The following LHPP variants were observed in gnomAD, a reference collection of about 807,000 sequenced individuals.
The protein encoded by LHPP is hLHPP.
A neutral mutation model predicts 30.3 loss-of-function variants in LHPP; 24 were observed. The observed-to-expected ratio is 0.79, with a 90% CI of 0.57 to 1.11. The LOEUF (loss-of-function observed/expected upper bound fraction) is 1.11. Ranked by LOEUF, LHPP falls within the 50% of genes most tolerant of loss-of-function variation. The pLI, the probability that LHPP is intolerant of heterozygous loss-of-function variation, is 0.00. For missense variants in LHPP, 356 were observed against 367.2 expected (o/e 0.97, Z 0.25); for synonymous variants, 150 against 157.1 (o/e 0.95, Z 0.34).
At chr10:124,608,779 T>C (rs574781817) in intron 6 of LHPP, among the ~76,000 whole-genome samples, 1 of 152,218 alleles carries the variant, frequency 6.6e-6, no homozygotes, top group African/African-American at 2.4e-5. Context: ...GAGAGAAGCC[T>C]GTCATCTGTC....
chr10:124,540,197 T>C (rs1269490181), intron 6 of LHPP, among the ~76,000 whole-genome samples: 1 of 152,088 alleles, frequency 6.6e-6, no homozygotes, highest in Non-Finnish European at 1.5e-5. Flanking sequence ...TGTGGGTGGG[T>C]GGGCAGGTGT....
intron 6 of LHPP, among the ~76,000 whole-genome samples, chr10:124,602,969 C>T (rs1949044169): frequency 6.6e-6 from 1 of 152,220 alleles, no homozygotes; most frequent in Admixed American, 6.5e-5. Flanking sequence ...AGCTCTGAGA[C>T]ACCCTTGTCA....
chr10:124,584,336 C>A (rs1219660285), intron 6 of LHPP, among the ~76,000 whole-genome samples: 1 of 150,070 alleles, frequency 6.7e-6, no homozygotes, highest in Admixed American at 6.6e-5. Context: ...TGCATTCCAG[C>A]CTGGGCAACA....
At chr10:124,594,329 CAAA>C (rs71026102) in intron 6 of LHPP, among the ~76,000 whole-genome samples, 20 of 75,332 alleles carry the variant, frequency 2.7e-4, no homozygotes, top group Non-Finnish European at 3.6e-4. Flanking sequence ...GACTCCATCT[CAAA>C]AAAAAAAAAA....
chr10:124,590,882 A>T lies in LHPP; in HGVS notation c.717-22382A>T, dbSNP rs1319300884. ...TGTGCCCTGTAACTCAAGGGATGGG[A>T]CTGTGTCATTGGTAAACACTGCAAC... is the stretch of plus-strand genomic sequence containing the variant. On this transcript the variant is annotated intron_variant, in intron 6 of 6. Transcript: ENST00000368842. This position sits in a 1 kb window ranked among gnomAD's most constrained non-coding sequence, Gnocchi z 4.3. Among the ~76,000 whole-genome samples, 1 of 152,246 alleles carries T rather than the reference A, an allele frequency of 6.6e-6. No homozygotes were observed. The highest frequency in any genetic ancestry group is 1.5e-5 in the Non-Finnish European group (1 of 68,032).
intron 6 of LHPP, among the ~76,000 whole-genome samples, chr10:124,550,792 G>A (rs1036877101): frequency 9.9e-5 from 15 of 152,208 alleles, no homozygotes; most frequent in Admixed American, 2.0e-4. Flanking sequence ...AGCCAGGAGG[G>A]ACCTAGCAGG....
chr10:124,475,793 G>A (rs1015035281), intron 1 of LHPP, among the ~76,000 whole-genome samples: 1 of 152,094 alleles, frequency 6.6e-6, no homozygotes, highest in African/African-American at 2.4e-5. Flanking sequence ...AGGCTCCTAG[G>A]CTGAGGAGTG....
Position 124,517,155 on chromosome 10 carries a change from T to C in LHPP, c.625-25T>C. 6.4e-7 allele frequency: 1 copy of C among 1,555,396 alleles called. No homozygotes were observed. Among genetic ancestry groups the C allele is most frequent in the Non-Finnish European group, 8.7e-7 (1 of 1,142,936 alleles). On this transcript the variant is annotated intron_variant, in intron 5 of 6. Transcript: ENST00000368842. The surrounding 1 kb of genome is among the most constrained non-coding windows in gnomAD (Gnocchi z 4.1). ...AATAAAACTCTCCTGACATCACTTC[T>C]GAGCGTATTTCACTGCCGTGACAGG...
At chr10:124,467,519 CTTTT>C (rs112628606) in intron 1 of LHPP, among the ~76,000 whole-genome samples, 1 of 136,638 alleles carries the variant, frequency 7.3e-6, no homozygotes, top group Non-Finnish European at 1.6e-5. Flanking sequence ...TTTTCTTTTT[CTTTT>C]TTTTTTTTTT....
intron 6 of LHPP, among the ~76,000 whole-genome samples, chr10:124,525,881 C>T (rs1954718875): frequency 6.6e-6 from 1 of 152,216 alleles, no homozygotes; most frequent in African/African-American, 2.4e-5. Context: ...CCCTGCTGGG[C>T]TTGGTGCCGC....
chr10:124,484,467 C>T, intron 2 of LHPP, 141 bp downstream of exon 2: 1 of 779,082 alleles, frequency 1.3e-6, no homozygotes, highest in Non-Finnish European at 2.1e-6. Context: ...GGGTAAAAAC[C>T]TCATGGGACT....
chr10:124,597,313 G>C (rs1020771686), intron 6 of LHPP, among the ~76,000 whole-genome samples: 1 of 152,154 alleles, frequency 6.6e-6, no homozygotes, highest in African/African-American at 2.4e-5. Flanking sequence ...TTTTCCCTCT[G>C]GGGAGCCCTG....
At chr10:124,535,723 G>A (rs2133937470) in intron 6 of LHPP, among the ~76,000 whole-genome samples, 1 of 152,376 alleles carries the variant, frequency 6.6e-6, no homozygotes, top group South Asian at 2.1e-4. Context: ...TCTGGTGGGT[G>A]TTTAAACCTT....
At chr10:124,502,731 T>G (rs1751537703) in intron 5 of LHPP, among the ~76,000 whole-genome samples, 1 of 119,230 alleles carries the variant, frequency 8.4e-6, no homozygotes, top group Admixed American at 1.1e-4. Context: ...TGGAGTACAA[T>G]AGCATGATCT....
chr10:124,485,602 T>TG (rs1000300078), intron 2 of LHPP, among the ~76,000 whole-genome samples: 9 of 109,092 alleles, frequency 8.2e-5, no homozygotes, highest in African/African-American at 2.4e-4. Context: ...GGAATAGTTT[T>TG]GGTTTTTTTT....
chr10:124,597,076 G>A (rs1341751305), intron 6 of LHPP, among the ~76,000 whole-genome samples: 1 of 152,156 alleles, frequency 6.6e-6, no homozygotes, highest in Non-Finnish European at 1.5e-5. Context: ...TTCCTGCTCT[G>A]GGACATCAGA....
At chr10:124,595,958 T>A (rs1407782281) in intron 6 of LHPP, among the ~76,000 whole-genome samples, 1 of 152,026 alleles carries the variant, frequency 6.6e-6, no homozygotes, top group Non-Finnish European at 1.5e-5. Context: ...CAGTCAACAC[T>A]CTTCTCCAGA....
rs144204647 is a variant in LHPP, at chr10:124,572,647, T to TAAGAAAGGCAAGAAAGGC, written c.717-40609_717-40608insCAAGAAAGGCAAGAAAGG. ...CTCCATCTCAAAAAAAGAAAGAAAG[T>TAAGAAAGGCAAGAAAGGC]AAGAAAGGAAAGGAAAGAAAAGAAA... On this transcript the variant is annotated intron_variant, in intron 6 of 6. Coordinates refer to ENST00000368842, the MANE Select transcript of LHPP (RefSeq NM_022126.4). 6.2e-5 allele frequency among the ~76,000 whole-genome samples: 9 copies of TAAGAAAGGCAAGAAAGGC among 146,332 alleles called. No individual in the cohort carries two copies. In the East Asian group the frequency reaches 1.6e-3, roughly 26 times the overall value.
At chr10:124,509,777 C>G (rs1196635787) in intron 5 of LHPP, among the ~76,000 whole-genome samples, 1 of 152,090 alleles carries the variant, frequency 6.6e-6, no homozygotes, top group Non-Finnish European at 1.5e-5. Context: ...GCTGCAGTTA[C>G]AGACACTGAG....
Sources: allele counts gnomAD v4.1 joint callset (sites outside exome capture counted in the v4.1 genomes callset), GRCh38; gene constraint gnomAD v4.1.1; non-coding constraint Gnocchi (gnomAD v3.1); transcripts MANE v1.5; gene names NCBI Gene and HGNC (gene_info 2026-07-23, HGNC 2026-07-21).